EYS: variants seen among roughly 807,000 people sequenced by gnomAD.
EYS encodes EGF-like photoreceptor maintenance factor, also known as protein eyes shut homolog.
In EYS, 250 loss-of-function variants were observed where a neutral mutation model predicts 282.1. The ratio of observed to expected loss-of-function variants is 0.89; its 90% CI spans 0.80 to 0.98. The LOEUF is 0.98. Ranked by LOEUF, EYS falls within the 50% of genes least tolerant of loss-of-function variation. The pLI is 0.00. For synonymous variants in EYS, 1,355 were observed against 1,282.9 expected, an observed-to-expected ratio of 1.06 and a Z score of -1.20; for missense variants, 4,016 against 3,709.0, an observed-to-expected ratio of 1.08 and a Z score of -2.15.
At chr6:65,696,514 C>T (rs1769463103) in intron 1 of EYS, among the ~76,000 whole-genome samples, 1 of 151,792 alleles carries the variant, frequency 6.6e-6, no homozygotes, top group Non-Finnish European at 1.5e-5. Flanking sequence ...TTCTTAGTTG[C>T]TATCATTATT....
intron 8 of EYS, among the ~76,000 whole-genome samples, chr6:65,367,174 T>C (rs1183022242): frequency 6.6e-6 from 1 of 151,618 alleles, no homozygotes; most frequent in East Asian, 1.9e-4. Context: ...AAAGTTTACG[T>C]TCTGGTTTCT....
At chr6:65,359,440 A>G (rs946021595) in intron 8 of EYS, among the ~76,000 whole-genome samples, 1 of 152,038 alleles carries the variant, frequency 6.6e-6, no homozygotes, top group South Asian at 2.1e-4. Context: ...AGAGGATTTT[A>G]AAACAACTTT....
At chr6:64,956,051 CAA>C (rs1769692214) in intron 14 of EYS, among the ~76,000 whole-genome samples, 3 of 151,772 alleles carry the variant, frequency 2.0e-5, no homozygotes. Flanking sequence ...TAATCTCTAT[CAA>C]AATATCAATG....
chr6:65,366,395 C>A (rs1177113253), intron 8 of EYS, among the ~76,000 whole-genome samples: 1 of 151,748 alleles, frequency 6.6e-6, no homozygotes, highest in Non-Finnish European at 1.5e-5. Flanking sequence ...TTTTCCTGAT[C>A]TACACTCAAT....
chr6:64,795,757 C>T (rs190513778), intron 22 of EYS, among the ~76,000 whole-genome samples: 228 of 152,100 alleles, frequency 1.5e-3, no homozygotes, highest in African/African-American at 5.1e-3. Context: ...TTTTAGTATC[C>T]CCTAATGAGC....
chr6:64,239,750 T>C (rs1294592486), intron 30 of EYS, among the ~76,000 whole-genome samples: 2 of 152,186 alleles, frequency 1.3e-5, no homozygotes, highest in Non-Finnish European at 2.9e-5. Flanking sequence ...CTGAAGCTCT[T>C]TAGTTTAATC....
intron 26 of EYS, among the ~76,000 whole-genome samples, chr6:64,533,754 A>G (rs1298022456): frequency 1.3e-5 from 2 of 151,978 alleles, no homozygotes; most frequent in Admixed American, 6.6e-5. Flanking sequence ...AAAACTAAGA[A>G]CCCAAAAAAG....
intron 14 of EYS, among the ~76,000 whole-genome samples, chr6:64,976,961 C>T (rs572956783): frequency 3.8e-4 from 57 of 151,828 alleles, no homozygotes; most frequent in Middle Eastern, 3.4e-3. Context: ...GGAATGATAT[C>T]GGCTCACTGC....
chr6:65,298,964 G>C (rs1298778925), intron 11 of EYS, among the ~76,000 whole-genome samples: 3 of 151,958 alleles, frequency 2.0e-5, no homozygotes, highest in Non-Finnish European at 4.4e-5. Flanking sequence ...TACAGAAATG[G>C]AAGTCCTTGT....
At chr6:65,173,945 CT>C (rs1346533371) in intron 12 of EYS, among the ~76,000 whole-genome samples, 1 of 150,890 alleles carries the variant, frequency 6.6e-6, no homozygotes, top group Admixed American at 6.6e-5. Flanking sequence ...TAAGTGTATG[CT>C]TGAGTAATCA....
intron 12 of EYS, among the ~76,000 whole-genome samples, chr6:65,197,292 A>AAAAGGTGG (rs1295003616): frequency 2.0e-5 from 3 of 152,130 alleles, no homozygotes; most frequent in African/African-American, 7.2e-5. Context: ...GTGATTAGAC[A>AAAAGGTGG]AAAGGTGGAA....
At chr6:64,262,830 A>G (rs545239998) in intron 30 of EYS, among the ~76,000 whole-genome samples, 1 of 152,076 alleles carries the variant, frequency 6.6e-6, no homozygotes, top group Admixed American at 6.6e-5. Flanking sequence ...CTTTTCATTA[A>G]CTTTGCAAGA....
intron 28 of EYS, among the ~76,000 whole-genome samples, chr6:64,432,811 C>G (rs1434023129): frequency 6.6e-6 from 1 of 151,964 alleles, no homozygotes; most frequent in Non-Finnish European, 1.5e-5. Flanking sequence ...TGCTTCATGA[C>G]ATACTCTATG....
At position 64,351,605 on chromosome 6, in the gene EYS, T is replaced by C. The variant is rs572037337; in HGVS notation, c.6078+37085A>G. 3.7e-3 allele frequency among the ~76,000 whole-genome samples: 560 copies of C among 151,638 alleles called. 3 individuals carry two copies. Among genetic ancestry groups the C allele is most frequent in the Non-Finnish European group, 5.0e-3 (340 of 67,668 alleles). On this transcript the variant is annotated intron_variant, in intron 29 of 42. Transcript: ENST00000503581. ...GACCCGAGAGCAGAATAATTTCTAG[T>C]AAATTGAAAGTATTTATATACAAAG...
chr6:64,769,070 A>T (rs879695356), intron 22 of EYS, among the ~76,000 whole-genome samples: 1 of 152,116 alleles, frequency 6.6e-6, no homozygotes, highest in Non-Finnish European at 1.5e-5. Flanking sequence ...AATAGATCTA[A>T]TTCTGCAGGT....
intron 26 of EYS, among the ~76,000 whole-genome samples, chr6:64,527,720 T>C (rs73767308): frequency 0.052 from 7,838 of 151,742 alleles, 678 homozygotes; most frequent in African/African-American, 0.18. Context: ...TTATTTTATA[T>C]ATGATATTTA....
At chr6:65,640,418 GA>G (rs1767235826) in intron 1 of EYS, among the ~76,000 whole-genome samples, 1 of 108,440 alleles carries the variant, frequency 9.2e-6, no homozygotes, top group Non-Finnish European at 2.3e-5. Flanking sequence ...TCATTAAAAA[GA>G]GTTTTTTTTT....
chr6:63,896,586 T>C (rs1159482817), intron 35 of EYS, among the ~76,000 whole-genome samples: 1 of 152,212 alleles, frequency 6.6e-6, no homozygotes, highest in African/African-American at 2.4e-5. Context: ...AATCCATATC[T>C]TACATTCATG....
intron 30 of EYS, among the ~76,000 whole-genome samples, chr6:64,284,631 T>C (rs967181152): frequency 6.6e-6 from 1 of 152,202 alleles, no homozygotes; most frequent in Non-Finnish European, 1.5e-5. Flanking sequence ...GCAGAGGTTC[T>C]CGATGAGAGC....
Sources: allele counts gnomAD v4.1 joint callset (sites outside exome capture counted in the v4.1 genomes callset), GRCh38; gene constraint gnomAD v4.1.1; transcripts MANE v1.5; gene names NCBI Gene and HGNC (gene_info 2026-07-23, HGNC 2026-07-21).